Variants in VMP1 observed in about 807,000 individuals in gnomAD.
The protein encoded by VMP1 is vacuole membrane protein 1.
In VMP1, 11 loss-of-function variants were observed where a neutral mutation model predicts 56.0. That is an observed-to-expected ratio of 0.20 (90% CI 0.12 to 0.32). VMP1 has a LOEUF of 0.32. Ranked by LOEUF, VMP1 falls within the 10% of genes least tolerant of loss-of-function variation. VMP1 has a pLI of 1.00. For synonymous variants in VMP1, 149 were observed against 165.0 expected, an observed-to-expected ratio of 0.90 and a Z score of 0.74; for missense variants, 296 against 490.3, an observed-to-expected ratio of 0.60 and a Z score of 3.74.
At chr17:59,789,835 C>CTTTTTTTTTTTTTTTTTTT (rs754631557) in intron 7 of VMP1, among the ~76,000 whole-genome samples, 1 of 85,978 alleles carries the variant, frequency 1.2e-5, no homozygotes, top group African/African-American at 4.8e-5. Flanking sequence ...CTTTCTTTCC[C>CTTTTTTTTTTTTTTTTTTT]TTTTTTTTTT....
intron 7 of VMP1, among the ~76,000 whole-genome samples, chr17:59,786,859 A>C (rs557435625): frequency 1.8e-4 from 27 of 152,346 alleles, no homozygotes; most frequent in African/African-American, 6.3e-4. Flanking sequence ...AAACTGATCA[A>C]CTTTACCATA....
chr17:59,795,459 C>T (rs1193911378), intron 7 of VMP1, among the ~76,000 whole-genome samples: 4 of 149,462 alleles, frequency 2.7e-5, no homozygotes, highest in African/African-American at 9.9e-5. Context: ...CTTTCTCTCC[C>T]TTCCATTTTA....
intron 10 of VMP1, among the ~76,000 whole-genome samples, chr17:59,819,835 A>G (rs2038376994): frequency 6.6e-6 from 1 of 152,240 alleles, no homozygotes. Context: ...CGCAGTGCAT[A>G]TAACACCATG....
chr17:59,840,363 T>C lies in VMP1; in HGVS notation c.*452T>C, dbSNP rs1463473847. The C allele has an allele frequency of 2.5e-5, 4 of 160,822 alleles. No homozygotes were observed. The highest frequency in any genetic ancestry group is 9.6e-5 in the African/African-American group (4 of 41,498). The allele number at this position is 160,822 out of a possible 1,614,324, so 10.0% of individuals were successfully genotyped here. ...GGATAACAGTCTTGCATGTTTATCA[T>C]GTTACAATTTAATATTCCATCCTGC... is the stretch of plus-strand genomic sequence containing the variant. On this transcript the variant is annotated 3_prime_UTR_variant, in exon 12 of 12. Transcript: ENST00000262291.
intron 7 of VMP1, among the ~76,000 whole-genome samples, chr17:59,804,154 T>C (rs2037767034): frequency 6.6e-6 from 1 of 152,058 alleles, no homozygotes; most frequent in South Asian, 2.1e-4. Context: ...TGAAGTTGTT[T>C]TTAGAAAAAC....
At chr17:59,822,113 A>G (rs2038475907) in intron 10 of VMP1, among the ~76,000 whole-genome samples, 1 of 152,128 alleles carries the variant, frequency 6.6e-6, no homozygotes, top group South Asian at 2.1e-4. Context: ...AAGTGCTGCG[A>G]TTACAAGAGT....
intron 5 of VMP1, among the ~76,000 whole-genome samples, chr17:59,744,622 T>C (rs1259951509): frequency 7.3e-6 from 1 of 136,666 alleles, no homozygotes; most frequent in African/African-American, 2.8e-5. Context: ...AGACCCCATC[T>C]CTACCAGAAA....
intron 7 of VMP1, among the ~76,000 whole-genome samples, chr17:59,803,429 A>G (rs571063434): frequency 6.6e-6 from 1 of 152,322 alleles, no homozygotes; most frequent in East Asian, 1.9e-4. Context: ...ATATATAATC[A>G]CTATGGGTTG....
At position 59,784,247 on chromosome 17, in the gene VMP1, T is replaced by G. The variant is rs908739689; in HGVS notation, c.714+10362T>G. Among the ~76,000 whole-genome samples the G allele has an allele frequency of 6.6e-5, 10 of 152,224 alleles. No individual in the cohort carries two copies. The East Asian group carries it at 1.9e-3, about 29-fold the overall frequency. The stretch of plus-strand genomic sequence containing the variant: ...TTTAAAAATTACTAGCCTGATCATT[T>G]GGAATAATTTAACTTTTTCCTCCAC... On this transcript the variant is annotated intron_variant, in intron 7 of 11. Transcript: ENST00000262291.
chr17:59,806,560 C>A lies in VMP1; in HGVS notation c.715-2236C>A, dbSNP rs1374842477. On this transcript the variant is annotated intron_variant, in intron 7 of 11. Transcript: ENST00000262291. Reference sequence around the variant, plus strand: ...TGAAACCCCCTCTCTATTAAAAATACAAAAATTAGCCAGGCATGATGGCGG... The same window carrying A: ...TGAAACCCCCTCTCTATTAAAAATAAAAAAATTAGCCAGGCATGATGGCGG... Among the ~76,000 whole-genome samples the A allele has an allele frequency of 7.9e-5, 12 of 151,688 alleles. No individual in the cohort carries two copies. In the East Asian group the frequency reaches 2.3e-3, roughly 29 times the overall value.
intron 1 of VMP1, among the ~76,000 whole-genome samples, chr17:59,721,288 G>C (rs2034386293): frequency 6.6e-6 from 1 of 152,022 alleles, no homozygotes; most frequent in Admixed American, 6.6e-5. Flanking sequence ...GGAGGTTGCA[G>C]TGAGCCATGA....
At chr17:59,713,937 A>G (rs1042586222) in intron 1 of VMP1, among the ~76,000 whole-genome samples, 1 of 149,684 alleles carries the variant, frequency 6.7e-6, no homozygotes, top group Non-Finnish European at 1.5e-5. Flanking sequence ...ACTGCTAGGG[A>G]GGCTGAGGCA....
Position 59,811,790 on chromosome 17 carries a change from A to G in VMP1, c.912+4A>G. On this transcript the variant is annotated splice_donor_region_variant and intron_variant, in intron 9 of 11. Coordinates refer to ENST00000262291, the MANE Select transcript of VMP1 (RefSeq NM_030938.5). ...AATAATAAAAATGCATATCCAGGTA[A>G]TTATACCCCCTGATTCACTGCCTAA... 6.4e-7 allele frequency: 1 copy of G among 1,567,862 alleles called. No homozygotes were observed. Among genetic ancestry groups the G allele is most frequent in the South Asian group, 1.1e-5 (1 of 90,072 alleles).
chr17:59,804,598 G>A (rs1214852461), intron 7 of VMP1, among the ~76,000 whole-genome samples: 4 of 122,980 alleles, frequency 3.3e-5, no homozygotes, highest in South Asian at 2.4e-4. Context: ...CAGCCTGGGC[G>A]ACAGTGAGAC....
At chr17:59,732,895 T>C (rs2034885452) in intron 2 of VMP1, among the ~76,000 whole-genome samples, 1 of 152,120 alleles carries the variant, frequency 6.6e-6, no homozygotes, top group Non-Finnish European at 1.5e-5. Flanking sequence ...AGGCTGGGCG[T>C]GGTGATTCAC....
intron 10 of VMP1, among the ~76,000 whole-genome samples, chr17:59,820,365 A>G (rs1396105781): frequency 6.6e-6 from 1 of 152,158 alleles, no homozygotes; most frequent in Non-Finnish European, 1.5e-5. Context: ...TGTCCTGTGC[A>G]TTATAAGAGA....
intron 1 of VMP1, among the ~76,000 whole-genome samples, chr17:59,709,845 C>G (rs1220036566): frequency 2.0e-5 from 3 of 152,062 alleles, no homozygotes; most frequent in Non-Finnish European, 4.4e-5. Flanking sequence ...AAGTTTTTTG[C>G]CTACGTATAG....
rs773226599 is a variant in VMP1 at position 59,820,954 on chromosome 17, T to C, written c.974+3181T>C. On this transcript the variant is annotated intron_variant, in intron 10 of 11. Transcript: ENST00000262291. The stretch of plus-strand genomic sequence containing the variant: ...AATGTGGTTAAGTCAGAATATCTTA[T>C]GTCTTTCTTTCTTTTTTTTGTTTTT... Among the ~76,000 whole-genome samples the C allele has an allele frequency of 4.6e-5, 7 of 152,056 alleles. No individual in the cohort carries two copies. In the East Asian group the frequency reaches 1.2e-3, roughly 25 times the overall value.
chr17:59,749,301 T>A (rs1014152171), intron 5 of VMP1, among the ~76,000 whole-genome samples: 2 of 151,800 alleles, frequency 1.3e-5, no homozygotes, highest in Non-Finnish European at 1.5e-5. Flanking sequence ...TATGTATATA[T>A]GAGTATTTGT....
Sources: gnomAD v4.1 joint callset for allele counts (sites outside exome capture counted in the v4.1 genomes callset) on GRCh38, gnomAD v4.1.1 for gene constraint, MANE v1.5 for transcripts, NCBI Gene and HGNC (gene_info 2026-07-23, HGNC 2026-07-21) for gene names.